AGBL4: variants seen among roughly 807,000 people sequenced by gnomAD.
AGBL4 encodes the protein cytosolic carboxypeptidase 6.
A neutral mutation model predicts 66.4 loss-of-function variants in AGBL4; 58 were observed. The ratio of observed to expected loss-of-function variants is 0.87; its 90% CI spans 0.71 to 1.09. The LOEUF (loss-of-function observed/expected upper bound fraction) is 1.09. AGBL4 is among the 50% of genes least tolerant of loss of function. The probability of loss-of-function intolerance (pLI) is 0.00; values close to 1 mark genes in which losing one functional copy is unlikely to be tolerated. For missense variants in AGBL4, 579 were observed against 631.0 expected, an observed-to-expected ratio of 0.92 and a Z score of 0.88; for synonymous variants, 234 against 222.9, an observed-to-expected ratio of 1.05 and a Z score of -0.44.
chr1:49,076,784 G>A (rs1354124633), intron 4 of AGBL4, among the ~76,000 whole-genome samples: 3 of 152,080 alleles, frequency 2.0e-5, no homozygotes, highest in African/African-American at 7.2e-5. Context: ...ATATTTAAAA[G>A]CTTCCCACAG....
intron 3 of AGBL4, among the ~76,000 whole-genome samples, chr1:49,350,847 G>A (rs1645739164): frequency 6.6e-6 from 1 of 151,788 alleles, no homozygotes; most frequent in Non-Finnish European, 1.5e-5. Context: ...TCTTCCTGCT[G>A]CTTCTTCTAC....
chr1:48,775,755 A>C (rs1435425868), intron 6 of AGBL4, among the ~76,000 whole-genome samples: 1 of 152,124 alleles, frequency 6.6e-6, no homozygotes, highest in Non-Finnish European at 1.5e-5. Context: ...CACCAACTGA[A>C]CCTCAGTACC....
At chr1:48,556,751 A>G (rs1439271132) in intron 11 of AGBL4, among the ~76,000 whole-genome samples, 1 of 152,126 alleles carries the variant, frequency 6.6e-6, no homozygotes, top group South Asian at 2.1e-4. Context: ...TTTACATTGT[A>G]TGTGTAATTG....
chr1:49,348,450 A>C (rs991807325), intron 3 of AGBL4, among the ~76,000 whole-genome samples: 1 of 152,128 alleles, frequency 6.6e-6, no homozygotes, highest in Non-Finnish European at 1.5e-5. Context: ...AAAAAAAGGA[A>C]GACAGACGGA....
intron 3 of AGBL4, among the ~76,000 whole-genome samples, chr1:49,446,060 C>T (rs561372253): frequency 7.2e-5 from 11 of 152,200 alleles, no homozygotes; most frequent in African/African-American, 2.6e-4. Flanking sequence ...TCTTGTTGGC[C>T]AGGCTGGTCT....
In AGBL4 at chr1:49,846,155, T is replaced by C. The variant is rs6683339; in HGVS notation, c.157+5241A>G. The stretch of plus-strand genomic sequence containing the variant: ...GAGGATTCATACCAAGGAAAAGCCC[T>C]ATGGGTTCAATAAGTGTGGGAAATC... On this transcript the variant is annotated intron_variant, in intron 2 of 13. Coordinates refer to ENST00000371839, the MANE Select transcript of AGBL4 (RefSeq NM_032785.4). The C allele has an allele frequency of 4.1e-3, 6,026 of 1,458,270 alleles. 234 individuals carry two copies. The African/African-American group carries it at 0.075, about 18-fold the overall frequency. The allele number at this position is 1,458,270 out of a possible 1,614,324, so 90.3% of individuals were successfully genotyped here.
chr1:49,670,344 G>C (rs569738987), intron 3 of AGBL4, among the ~76,000 whole-genome samples: 5 of 152,272 alleles, frequency 3.3e-5, no homozygotes, highest in South Asian at 4.1e-4. Context: ...AGGCAGACTT[G>C]ATTTGGGACA....
chr1:49,325,247 G>C (rs528421651), intron 3 of AGBL4, among the ~76,000 whole-genome samples: 1 of 152,076 alleles, frequency 6.6e-6, no homozygotes, highest in Non-Finnish European at 1.5e-5. Flanking sequence ...GGATGATCTC[G>C]ATCTCCTGAC....
intron 3 of AGBL4, among the ~76,000 whole-genome samples, chr1:49,481,935 T>C (rs1006321951): frequency 1.9e-4 from 29 of 151,208 alleles, no homozygotes; most frequent in Admixed American, 5.3e-4. Flanking sequence ...GTTTACTGAT[T>C]TGTGTCTGTT....
intron 4 of AGBL4, among the ~76,000 whole-genome samples, chr1:49,225,939 G>A (rs1035449089): frequency 6.6e-6 from 1 of 152,102 alleles, no homozygotes; most frequent in African/African-American, 2.4e-5. Flanking sequence ...TTTACTGACT[G>A]GTTTCTAATA....
intron 8 of AGBL4, among the ~76,000 whole-genome samples, chr1:48,634,891 TGACCCATA>T (rs1394063882): frequency 6.6e-6 from 1 of 152,164 alleles, no homozygotes; most frequent in Non-Finnish European, 1.5e-5. Context: ...CATAGACACA[TGACCCATA>T]GACACACATG....
intron 6 of AGBL4, among the ~76,000 whole-genome samples, chr1:48,806,183 T>A (rs1645919464): frequency 6.6e-6 from 1 of 152,218 alleles, no homozygotes; most frequent in Non-Finnish European, 1.5e-5. Flanking sequence ...ATTTACTACA[T>A]GCCTTTCTTC....
intron 8 of AGBL4, among the ~76,000 whole-genome samples, chr1:48,651,841 C>T (rs1438288845): frequency 1.3e-5 from 2 of 152,202 alleles, no homozygotes; most frequent in Admixed American, 1.3e-4. Flanking sequence ...TGAGTAAGTA[C>T]TATTTCATCT....
chr1:48,928,368 T>TC (rs2148899955), intron 5 of AGBL4, among the ~76,000 whole-genome samples: 2 of 152,286 alleles, frequency 1.3e-5, no homozygotes, highest in Admixed American at 6.5e-5. Context: ...TTCTGGGCTC[T>TC]CCCCCCAATT....
At chr1:49,349,366 G>T (rs1259340218) in intron 3 of AGBL4, among the ~76,000 whole-genome samples, 2 of 152,162 alleles carry the variant, frequency 1.3e-5, no homozygotes. Context: ...TACACAGAAA[G>T]AACTAAATTA....
chr1:48,828,295 T>C (rs1443705879), intron 6 of AGBL4, among the ~76,000 whole-genome samples: 1 of 152,068 alleles, frequency 6.6e-6, no homozygotes, highest in East Asian at 1.9e-4. Context: ...CCTACCACCA[T>C]AGAGGTGTCT....
At chr1:48,590,455 CTGAGG>C (rs909767734) in intron 10 of AGBL4, among the ~76,000 whole-genome samples, 5 of 151,214 alleles carry the variant, frequency 3.3e-5, no homozygotes, top group African/African-American at 1.2e-4. Context: ...ACTCAGGAGG[CTGAGG>C]TGGGAGGATT....
At chr1:49,320,579 G>C (rs970155624) in intron 3 of AGBL4, among the ~76,000 whole-genome samples, 3 of 152,142 alleles carry the variant, frequency 2.0e-5, no homozygotes, top group Non-Finnish European at 4.4e-5. Context: ...AGAAATCTTG[G>C]AGGAGCTTAG....
chr1:48,767,852 TTCC>T (rs763398424), intron 6 of AGBL4, among the ~76,000 whole-genome samples: 1 of 152,216 alleles, frequency 6.6e-6, no homozygotes. Context: ...CATTATCCTT[TTCC>T]TCCTCCTTTC....
Sources: allele counts gnomAD v4.1 joint callset (sites outside exome capture counted in the v4.1 genomes callset), GRCh38; gene constraint gnomAD v4.1.1; transcripts MANE v1.5; gene names NCBI Gene and HGNC (gene_info 2026-07-23, HGNC 2026-07-21).